The following TULP4 variants were observed in gnomAD, a reference collection of about 807,000 sequenced individuals.
TULP4 encodes the protein TUB like protein 4, also known as tubby-related protein 4.
A neutral mutation model predicts 129.0 loss-of-function variants in TULP4; 16 were observed. The observed-to-expected ratio is 0.12, with a 90% CI of 0.08 to 0.19. The LOEUF (loss-of-function observed/expected upper bound fraction) is 0.19, where lower values mean the gene tolerates loss of function less well. Among genes scored for constraint, TULP4 ranks in the 10% least tolerant of loss-of-function variants. TULP4 has a pLI of 1.00. For missense variants in TULP4, 1,842 were observed against 2,059.1 expected (o/e 0.89, Z 2.04); for synonymous variants, 998 against 854.0 (o/e 1.17, Z -2.94).
At chr6:158,275,071 A>G (rs1291274863) in intron 1 of TULP4, among the ~76,000 whole-genome samples, 2 of 152,244 alleles carry the variant, frequency 1.3e-5, no homozygotes, top group Admixed American at 6.5e-5. Context: ...CTATATCAGC[A>G]TTCCATTTTG....
At chr6:158,418,462 T>C (rs573534089) in intron 2 of TULP4, among the ~76,000 whole-genome samples, 2 of 151,744 alleles carry the variant, frequency 1.3e-5, no homozygotes, top group East Asian at 3.9e-4. Context: ...GTTTTTCCAG[T>C]TGTGATATAG....
At chr6:158,392,985 TAA>T (rs57349259) in intron 1 of TULP4, among the ~76,000 whole-genome samples, 67,194 of 138,262 alleles carry the variant, frequency 0.49, 16,404 homozygotes, top group African/African-American at 0.62. Context: ...TGTCTGTATT[TAA>T]AAAAAAAAAA....
chr6:158,432,363 C>T (rs1324307837), intron 3 of TULP4, among the ~76,000 whole-genome samples: 2 of 152,068 alleles, frequency 1.3e-5, no homozygotes, highest in South Asian at 2.1e-4. Flanking sequence ...ATGTGGAAAG[C>T]GCACCCCTGC....
At chr6:158,380,409 CACA>C (rs557655498) in intron 1 of TULP4, among the ~76,000 whole-genome samples, 18 of 152,310 alleles carry the variant, frequency 1.2e-4, no homozygotes, top group Middle Eastern at 3.4e-3. Flanking sequence ...GGTTCTCTCT[CACA>C]ACAACTTTCA....
Position 158,480,397 on chromosome 6 carries a change from C to T in TULP4, c.1251+422C>T, listed in dbSNP as rs145882675. On this transcript the variant is annotated intron_variant, in intron 7 of 13. Coordinates refer to ENST00000367097, the MANE Select transcript of TULP4 (RefSeq NM_020245.5). ...AGAAGTTAAGTAACTTGCTCCCTAG[C>T]TGGTTAGGGGGACAGTCAGGATTAG... Among the ~76,000 whole-genome samples the T allele has an allele frequency of 4.7e-4, 72 of 152,380 alleles. 1 individual carries two copies. Among genetic ancestry groups the T allele is most frequent in the African/African-American group, 1.7e-3 (70 of 41,584 alleles).
At chr6:158,444,262 TTTTTA>T (rs1396086825) in intron 3 of TULP4, among the ~76,000 whole-genome samples, 3 of 130,272 alleles carry the variant, frequency 2.3e-5, no homozygotes, top group Non-Finnish European at 3.4e-5. Context: ...TTTTTTTTTT[TTTTTA>T]ACTTTTGCCG....
intron 1 of TULP4, among the ~76,000 whole-genome samples, chr6:158,254,676 A>T (rs1242201742): frequency 6.6e-6 from 1 of 152,224 alleles, no homozygotes; most frequent in Non-Finnish European, 1.5e-5. Flanking sequence ...TGTCAAGCAC[A>T]TATTTTTGTA....
intron 13 of TULP4, among the ~76,000 whole-genome samples, chr6:158,505,645 T>A (rs1252689960): frequency 6.6e-6 from 1 of 152,218 alleles, no homozygotes; most frequent in Non-Finnish European, 1.5e-5. Flanking sequence ...GCCCGTGTGC[T>A]AGGGCATGGC....
intron 1 of TULP4, among the ~76,000 whole-genome samples, chr6:158,351,166 A>G (rs1450511393): frequency 6.6e-6 from 1 of 152,232 alleles, no homozygotes; most frequent in Admixed American, 6.5e-5. Context: ...TGAGTTATAC[A>G]GTACTGAACC....
At chr6:158,330,573 A>C (rs2128491754) in intron 1 of TULP4, among the ~76,000 whole-genome samples, 1 of 152,302 alleles carries the variant, frequency 6.6e-6, no homozygotes, top group South Asian at 2.1e-4. Flanking sequence ...TTACTCTAAA[A>C]TACTTCAATG....
At chr6:158,324,766 T>A (rs1165055225) in intron 1 of TULP4, among the ~76,000 whole-genome samples, 1 of 152,188 alleles carries the variant, frequency 6.6e-6, no homozygotes, top group Admixed American at 6.5e-5. Flanking sequence ...CCTGAGGTTC[T>A]GAGATGTTAA....
chr6:158,328,974 G>T (rs1211519271), intron 1 of TULP4, among the ~76,000 whole-genome samples: 1 of 152,078 alleles, frequency 6.6e-6, no homozygotes, highest in Non-Finnish European at 1.5e-5. Flanking sequence ...CATTTCTCTG[G>T]GATATGGTAT....
At chr6:158,246,965 A>C (rs1778042061) in intron 1 of TULP4, among the ~76,000 whole-genome samples, 1 of 152,222 alleles carries the variant, frequency 6.6e-6, no homozygotes, top group Non-Finnish European at 1.5e-5. Flanking sequence ...TTATTTGAAC[A>C]TCTTTCTCAC....
chr6:158,479,555 G>A (rs563422746), intron 6 of TULP4, among the ~76,000 whole-genome samples, 196 bp from the exon 7 acceptor site: 6 of 152,204 alleles, frequency 3.9e-5, no homozygotes, highest in Non-Finnish European at 8.8e-5. Flanking sequence ...ATGCCACCAT[G>A]CCCAGCCCTC....
chr6:158,496,946 C>T (rs572942342), intron 11 of TULP4, among the ~76,000 whole-genome samples: 21 of 152,288 alleles, frequency 1.4e-4, no homozygotes, highest in African/African-American at 4.6e-4. Flanking sequence ...CTCCTGCGCT[C>T]GAGTGATTCT....
chr6:158,420,967 C>T (rs889143959), intron 2 of TULP4, among the ~76,000 whole-genome samples: 2 of 152,206 alleles, frequency 1.3e-5, no homozygotes, highest in African/African-American at 2.4e-5. Context: ...CATGACACAG[C>T]CCTCAGGAAG....
intron 3 of TULP4, among the ~76,000 whole-genome samples, chr6:158,439,958 G>A (rs1348687380): frequency 1.3e-5 from 2 of 151,728 alleles, no homozygotes; most frequent in East Asian, 2.0e-4. Flanking sequence ...TGATCTGCCC[G>A]CCTCAGCCTC....
intron 2 of TULP4, among the ~76,000 whole-genome samples, chr6:158,415,487 C>T (rs9364962): frequency 2.4e-4 from 36 of 150,840 alleles, no homozygotes; most frequent in African/African-American, 7.3e-4. Flanking sequence ...GTAGCTGGGA[C>T]TACAGACACC....
intron 3 of TULP4, among the ~76,000 whole-genome samples, chr6:158,448,476 A>G (rs1364374935): frequency 6.6e-6 from 1 of 152,238 alleles, no homozygotes; most frequent in African/African-American, 2.4e-5. Flanking sequence ...AAAACATTCA[A>G]CATTGGAAAT....
Sources: allele counts gnomAD v4.1 joint callset (sites outside exome capture counted in the v4.1 genomes callset), GRCh38; gene constraint gnomAD v4.1.1; transcripts MANE v1.5; gene names NCBI Gene and HGNC (gene_info 2026-07-23, HGNC 2026-07-21).